SORCS2: variants seen among roughly 807,000 people sequenced by gnomAD.
The protein encoded by SORCS2 is VPS10 domain-containing receptor SorCS2.
SORCS2 carries 100 observed loss-of-function variants against 141.6 expected under a neutral mutation model. The observed-to-expected ratio is 0.71, with a 90% CI of 0.60 to 0.83. The LOEUF (loss-of-function observed/expected upper bound fraction) is 0.83. Ranked by LOEUF, SORCS2 falls within the 40% of genes least tolerant of loss-of-function variation. The pLI is 0.00. For synonymous variants in SORCS2, 789 were observed against 676.9 expected (o/e 1.17, Z -2.57); for missense variants, 1,646 against 1,560.2 (o/e 1.05, Z -0.93).
chr4:7,576,941 T>G (rs546321472), intron 3 of SORCS2, among the ~76,000 whole-genome samples: 99 of 152,342 alleles, frequency 6.5e-4, no homozygotes, highest in African/African-American at 2.3e-3. Context: ...CTTCTGAGAT[T>G]GCATGGGAAA....
At chr4:7,537,813 C>G (rs533588003) in intron 3 of SORCS2, among the ~76,000 whole-genome samples, 1 of 152,210 alleles carries the variant, frequency 6.6e-6, no homozygotes, top group East Asian at 1.9e-4. Flanking sequence ...TTGAGACCAG[C>G]CTGGCCAACA....
chr4:7,722,484 G>A (rs1220437901), intron 18 of SORCS2, among the ~76,000 whole-genome samples: 1 of 152,194 alleles, frequency 6.6e-6, no homozygotes, highest in Non-Finnish European at 1.5e-5. Flanking sequence ...AGTCTCCGAA[G>A]GAGAATCCAT....
chr4:7,567,145 G>A (rs1029045731), intron 3 of SORCS2, among the ~76,000 whole-genome samples: 2 of 152,200 alleles, frequency 1.3e-5, no homozygotes, highest in African/African-American at 4.8e-5. Flanking sequence ...ACCTGTGAAG[G>A]TAGTATAGAG....
At position 7,729,464 on chromosome 4, in the gene SORCS2, C is replaced by T; in HGVS notation, c.2983-123C>T. ...AAGGATCCCCACGCCATGCAGGGGTCAGGAACGGCCTGTGAGACAGGTGTA... is the reference window on the plus strand; with the variant it reads ...AAGGATCCCCACGCCATGCAGGGGTTAGGAACGGCCTGTGAGACAGGTGTA... On this transcript the variant is annotated intron_variant, in intron 22 of 26. Coordinates refer to ENST00000507866, the MANE Select transcript of SORCS2 (RefSeq NM_020777.3). The T allele has an allele frequency of 1.1e-5, 14 of 1,317,438 alleles. No individual in the cohort carries two copies. The South Asian group carries it at 1.9e-4, about 18-fold the overall frequency. 81.6% of individuals were successfully genotyped at this position (1,317,438 alleles called of 1,614,324 possible).
chr4:7,554,217 C>G (rs1212802497), intron 3 of SORCS2, among the ~76,000 whole-genome samples: 3 of 152,114 alleles, frequency 2.0e-5, no homozygotes, highest in Non-Finnish European at 4.4e-5. Flanking sequence ...GGAGCTGCAC[C>G]CACTTTCAAA....
At chr4:7,326,249 G>A (rs922993650) in intron 1 of SORCS2, among the ~76,000 whole-genome samples, 1 of 152,106 alleles carries the variant, frequency 6.6e-6, no homozygotes, top group Non-Finnish European at 1.5e-5. Flanking sequence ...GCAGGAGGGT[G>A]TGGGGGTGCT....
Position 7,280,523 on chromosome 4 carries a change from G to A in SORCS2, c.480+87397G>A, listed in dbSNP as rs767580251. On this transcript the variant is annotated intron_variant, in intron 1 of 26. Transcript: ENST00000507866. ...CAGAAGGATAACCCCATCATCGTTC[G>A]CTCATGAGAGGAAGTACTGCCTGTC... Among the ~76,000 whole-genome samples the A allele has an allele frequency of 7.9e-5, 12 of 152,286 alleles. No individual in the cohort carries two copies. In the East Asian group the frequency reaches 9.6e-4, roughly 12 times the overall value.
chr4:7,207,351 G>GC (rs1727800153), intron 1 of SORCS2, among the ~76,000 whole-genome samples: 3 of 152,348 alleles, frequency 2.0e-5, no homozygotes, highest in Admixed American at 6.5e-5. Context: ...CGCCCACACA[G>GC]CCTGGGCCGG....
At chr4:7,669,876 C>T (rs887235840) in intron 8 of SORCS2, among the ~76,000 whole-genome samples, 5 of 152,194 alleles carry the variant, frequency 3.3e-5, no homozygotes, top group South Asian at 2.1e-4. Context: ...TTGAATGATG[C>T]GTGATATCTA....
intron 3 of SORCS2, among the ~76,000 whole-genome samples, chr4:7,583,439 C>G (rs1205932933): frequency 6.6e-6 from 1 of 152,126 alleles, no homozygotes; most frequent in Non-Finnish European, 1.5e-5. Context: ...TAAAGTAGGC[C>G]TCCCACCCAG....
chr4:7,526,651 G>A (rs1201670506), intron 2 of SORCS2, among the ~76,000 whole-genome samples: 2 of 152,150 alleles, frequency 1.3e-5, no homozygotes, highest in African/African-American at 4.8e-5. Flanking sequence ...AGCTGGCCCT[G>A]ACCTGAACTC....
chr4:7,578,480 A>G (rs1484299388), intron 3 of SORCS2, among the ~76,000 whole-genome samples: 1 of 152,234 alleles, frequency 6.6e-6, no homozygotes, highest in Non-Finnish European at 1.5e-5. Flanking sequence ...GTCCCTGTGA[A>G]TTACAACCAA....
At chr4:7,598,452 G>A (rs936630951) in intron 3 of SORCS2, among the ~76,000 whole-genome samples, 1 of 152,196 alleles carries the variant, frequency 6.6e-6, no homozygotes, top group Middle Eastern at 3.2e-3. Flanking sequence ...CTGCATTGAT[G>A]TAGGAGCTGA....
chr4:7,602,915 G>C (rs1037231953), intron 3 of SORCS2, among the ~76,000 whole-genome samples: 1 of 152,348 alleles, frequency 6.6e-6, no homozygotes, highest in Non-Finnish European at 1.5e-5. Context: ...CCGGCACCTC[G>C]GGAGGCCGAA....
chr4:7,296,889 C>T (rs1197257862), intron 1 of SORCS2, among the ~76,000 whole-genome samples: 1 of 152,196 alleles, frequency 6.6e-6, no homozygotes, highest in Non-Finnish European at 1.5e-5. Flanking sequence ...GCCTCGACTC[C>T]CCAGCCCCCT....
intron 3 of SORCS2, among the ~76,000 whole-genome samples, chr4:7,562,923 C>T (rs527947907): frequency 3.0e-4 from 45 of 152,314 alleles, no homozygotes; most frequent in Non-Finnish European, 2.2e-4. Context: ...CCAGGATGAC[C>T]TTGTCTTCAC....
intron 2 of SORCS2, among the ~76,000 whole-genome samples, chr4:7,448,648 TCCTGACTTCCTCCGTC>T (rs1728171545): frequency 2.2e-5 from 3 of 139,472 alleles, no homozygotes; most frequent in South Asian, 2.5e-4. Flanking sequence ...TTGCCTGCCT[TCCTGACTTCCTCCGTC>T]CCTGCCTTCC....
chr4:7,569,607 A>G (rs1354410679), intron 3 of SORCS2, among the ~76,000 whole-genome samples: 1 of 152,228 alleles, frequency 6.6e-6, no homozygotes, highest in Non-Finnish European at 1.5e-5. Flanking sequence ...CTATGTGCAG[A>G]GAACATGTGT....
At chr4:7,596,812 G>A (rs113723951) in intron 3 of SORCS2, among the ~76,000 whole-genome samples, 4,197 of 152,210 alleles carry the variant, frequency 0.028, 99 homozygotes, top group Non-Finnish European at 0.041. Flanking sequence ...AGCCTAGGAG[G>A]GGCTTGGACT....
Sources: gnomAD v4.1 joint callset for allele counts (sites outside exome capture counted in the v4.1 genomes callset) on GRCh38, gnomAD v4.1.1 for gene constraint, MANE v1.5 for transcripts, NCBI Gene and HGNC (gene_info 2026-07-23, HGNC 2026-07-21) for gene names.